ST6GALNAC2: variants seen among roughly 807,000 people sequenced by gnomAD.
The protein encoded by ST6GALNAC2 is alpha-N-acetylgalactosaminide alpha-2,6-sialyltransferase 2.
Under a neutral mutation model 38.7 loss-of-function variants are expected in ST6GALNAC2, and 42 were observed. The ratio of observed to expected loss-of-function variants is 1.09; its 90% confidence interval spans 0.85 to 1.40. The LOEUF (loss-of-function observed/expected upper bound fraction) is 1.40. Among genes scored for constraint, ST6GALNAC2 ranks in the 40% most tolerant of loss-of-function variants. The pLI is 0.00. For missense variants in ST6GALNAC2, 506 were observed against 481.7 expected (o/e 1.05, Z -0.47); for synonymous variants, 233 against 209.0 (o/e 1.11, Z -0.99).
rs954993296 is a variant in ST6GALNAC2, at chr17:76,573,698, T to A, written c.362-335A>T. Among the ~76,000 whole-genome samples, 1 of 151,742 alleles carries A rather than the reference T, an allele frequency of 6.6e-6. No individual in the cohort carries two copies. Among genetic ancestry groups the A allele is most frequent in the Non-Finnish European group, 1.5e-5 (1 of 67,930 alleles). ...ATACCAGAACTTTGGAAGGGTGAGGTGGGTGAATCACTTGAGGCCAGGAGT... is the reference window on the plus strand; with the variant it reads ...ATACCAGAACTTTGGAAGGGTGAGGAGGGTGAATCACTTGAGGCCAGGAGT... On this transcript the variant is annotated intron_variant, in intron 3 of 8. Coordinates refer to ENST00000225276, the MANE Select transcript of ST6GALNAC2 (RefSeq NM_006456.3). The surrounding 1 kb of genome is among the most constrained non-coding windows in gnomAD (Gnocchi z 5.1).
At chr17:76,567,651 G>A (rs2075301518) in intron 7 of ST6GALNAC2, 99 bp from the exon 8 acceptor site, 1 of 773,794 alleles carries the variant, frequency 1.3e-6, no homozygotes. Context: ...CAAAAACTGA[G>A]GGCCTTCTAC....
intron 7 of ST6GALNAC2, 73 bp downstream of exon 7, chr17:76,568,640 C>A (rs1194490409): frequency 6.7e-7 from 1 of 1,481,986 alleles, no homozygotes; most frequent in East Asian, 2.3e-5. Flanking sequence ...TGCGAGGGCG[C>A]TGACTGGATG....
At chr17:76,583,812 C>CT (rs71158029) in intron 1 of ST6GALNAC2, among the ~76,000 whole-genome samples, 83,950 of 136,086 alleles carry the variant, frequency 0.62, 27,099 homozygotes, top group Non-Finnish European at 0.71. Flanking sequence ...TGTGATATTT[C>CT]TTTTTTTTTT....
At chr17:76,577,941 C>T (rs1286161712) in intron 2 of ST6GALNAC2, among the ~76,000 whole-genome samples, 1 of 152,150 alleles carries the variant, frequency 6.6e-6, no homozygotes, top group Non-Finnish European at 1.5e-5. Flanking sequence ...AACAGCTTGG[C>T]TGTCGCTAAG....
rs1205109578 is a variant in ST6GALNAC2, at chr17:76,579,121, GT to G, written c.126-306del. 4 of 210,348 alleles carry G rather than the reference GT, an allele frequency of 1.9e-5. No individual in the cohort carries two copies. In the East Asian group the frequency reaches 3.9e-4, roughly 20 times the overall value. The allele number at this position is 210,348 out of a possible 1,614,324, so 13.0% of individuals were successfully genotyped here. ...TTTAGTAGAGACGGGGTTTTTCCAT[GT>G]TGGTCAGGCTGGTCTCGAACTCCCG... On this transcript the variant is annotated intron_variant, in intron 1 of 8. Transcript: ENST00000225276.
At chr17:76,584,205 T>TTTC (rs386386681) in intron 1 of ST6GALNAC2, among the ~76,000 whole-genome samples, 1 of 150,490 alleles carries the variant, frequency 6.6e-6, no homozygotes, top group Non-Finnish European at 1.5e-5. Context: ...TTTTTTTTTT[T>TTTC]TTCTGGAGAC....
chr17:76,578,746 A>T lies in ST6GALNAC2; in HGVS notation c.186+10T>A. 6.2e-7 allele frequency: 1 copy of T among 1,612,056 alleles called. No individual in the cohort carries two copies. The highest frequency in any genetic ancestry group is 8.5e-7 in the Non-Finnish European group (1 of 1,179,090). ...GCTCAAAACTGCCACAGGGTAGTCG[A>T]CCACTCTACCTTTCCTGTCCAAGAA... On this transcript the variant is annotated intron_variant, in intron 2 of 8. Coordinates refer to ENST00000225276, the MANE Select transcript of ST6GALNAC2 (RefSeq NM_006456.3).
At chr17:76,577,063 C>CTTTTTTTTTTTTTTTTTTTTTT (rs201269670) in intron 2 of ST6GALNAC2, among the ~76,000 whole-genome samples, 1 of 116,544 alleles carries the variant, frequency 8.6e-6, no homozygotes, top group African/African-American at 3.8e-5. Flanking sequence ...TCTTTTTTTT[C>CTTTTTTTTTTTTTTTTTTTTTT]TTTTTTTTTT....
chr17:76,569,084 G>T, intron 6 of ST6GALNAC2: 1 of 151,236 alleles, frequency 6.6e-6, no homozygotes, highest in Non-Finnish European at 1.2e-5. Flanking sequence ...TGGGGGTGGT[G>T]GGGGGGCGGG....
At chr17:76,578,190 C>A (rs2075438740) in intron 2 of ST6GALNAC2, among the ~76,000 whole-genome samples, 1 of 152,148 alleles carries the variant, frequency 6.6e-6, no homozygotes, top group South Asian at 2.1e-4. Flanking sequence ...CCAGGACTAC[C>A]TCTTACTACC....
chr17:76,573,125 C>T lies in ST6GALNAC2; in HGVS notation c.530+70G>A. ...GCCACTGCTGCCATAGCCCACTGCC[C>T]CTGGGGGAGACACCCCCACCCTCCA... On this transcript the variant is annotated intron_variant, in intron 4 of 8. Transcript: ENST00000225276. The surrounding 1 kb of genome is among the most constrained non-coding windows in gnomAD (Gnocchi z 5.1). 3 of 1,493,402 alleles carry T rather than the reference C, an allele frequency of 2.0e-6. No homozygotes were observed. The highest frequency in any genetic ancestry group is 2.3e-5 in the East Asian group (1 of 43,404). 92.5% of individuals were successfully genotyped at this position (1,493,402 alleles called of 1,614,324 possible).
At chr17:76,583,955 C>T (rs1050909424) in intron 1 of ST6GALNAC2, among the ~76,000 whole-genome samples, 1 of 147,490 alleles carries the variant, frequency 6.8e-6, no homozygotes, top group Non-Finnish European at 1.5e-5. Flanking sequence ...CTACAGGTGC[C>T]CGCCACCACG....
intron 8 of ST6GALNAC2, 73 bp from the exon 9 acceptor site, chr17:76,566,344 T>C: frequency 7.8e-6 from 12 of 1,533,492 alleles, no homozygotes; most frequent in Non-Finnish European, 1.1e-5. Context: ...TGAAGTGACA[T>C]GAGTTTAGAA....
rs868671135 is a variant in ST6GALNAC2, at chr17:76,585,780, C to A, written c.29G>T (p.Trp10Leu). The stretch of plus-strand genomic sequence containing the variant: ...GGCAGCCGTGAGCAGGAGCAGCAGC[C>A]AGAAGAACGACCCGCGCGGGAGCCC... MGLPRGSFF[W>L]LLLLLTAACS... is the part of the protein sequence containing the mutation. The change falls in exon 1 of 9, where the codon TGG (tryptophan) becomes TTG (leucine). Residue 10 changes from tryptophan (W) to leucine (L), a missense_variant. Transcript: ENST00000225276. 1 of 1,555,336 alleles carries A rather than the reference C, an allele frequency of 6.4e-7. No individual in the cohort carries two copies. The highest frequency in any genetic ancestry group is 1.4e-5 in the African/African-American group (1 of 72,200).
At chr17:76,581,425 T>C (rs1280003079) in intron 1 of ST6GALNAC2, among the ~76,000 whole-genome samples, 2 of 151,946 alleles carry the variant, frequency 1.3e-5, no homozygotes, top group South Asian at 2.1e-4. Flanking sequence ...GGGGAGGGCA[T>C]TGGTGAGTCC....
Position 76,570,646 on chromosome 17 carries a change from G to A in ST6GALNAC2, c.692C>T (p.Pro231Leu). Residue 231 changes from proline (P) to leucine (L), a missense_variant, in exon 6 of 9, where the codon CCC (proline) becomes CTC (leucine). By Grantham distance (98) the Pro-to-Leu change is moderately conservative. Coordinates refer to ENST00000225276, the MANE Select transcript of ST6GALNAC2 (RefSeq NM_006456.3). Reference sequence around the variant, plus strand: ...CATCACATAGTCGCGGATGTCTGAGGGGATGAAGATATACTGCAGGTCCTG... The same window carrying A: ...CATCACATAGTCGCGGATGTCTGAGAGGATGAAGATATACTGCAGGTCCTG... ...QGQDLQYIFI[P>L]SDIRDYVMLR... 1 of 1,612,538 alleles carries A rather than the reference G, an allele frequency of 6.2e-7. No individual in the cohort carries two copies. The highest frequency in any genetic ancestry group is 8.5e-7 in the Non-Finnish European group (1 of 1,179,534).
intron 7 of ST6GALNAC2, 74 bp from the exon 8 acceptor site, chr17:76,567,626 T>C: frequency 9.8e-7 from 1 of 1,025,018 alleles, no homozygotes; most frequent in African/African-American, 1.6e-5. Context: ...CACATTCAAA[T>C]AGGTGGGAAA....
At chr17:76,567,730 G>A in intron 7 of ST6GALNAC2, 178 bp from the exon 8 acceptor site, 2 of 544,232 alleles carry the variant, frequency 3.7e-6, no homozygotes, top group Non-Finnish European at 3.3e-6. Flanking sequence ...GGTAAGGTTG[G>A]GGGAGGGGGT....
At chr17:76,582,295 C>T (rs578117323) in intron 1 of ST6GALNAC2, among the ~76,000 whole-genome samples, 1 of 150,150 alleles carries the variant, frequency 6.7e-6, no homozygotes, top group Admixed American at 6.7e-5. Flanking sequence ...TCTCAGTCCC[C>T]CAAGTAGCTG....
Sources: allele counts gnomAD v4.1 joint callset (sites outside exome capture counted in the v4.1 genomes callset), GRCh38; gene constraint gnomAD v4.1.1; non-coding constraint Gnocchi (gnomAD v3.1); transcripts MANE v1.5; gene names NCBI Gene and HGNC (gene_info 2026-07-23, HGNC 2026-07-21).